NSUN7: variants seen among roughly 807,000 people sequenced by gnomAD.
NSUN7 encodes the protein protein NSUN7.
NSUN7 carries 39 observed loss-of-function variants against 58.5 expected under a neutral mutation model. The observed-to-expected ratio is 0.67, with a 90% confidence interval of 0.52 to 0.87. The LOEUF is 0.87. Among genes scored for constraint, NSUN7 ranks in the 40% least tolerant of loss-of-function variants. The pLI is 0.00. For synonymous variants in NSUN7, 278 were observed against 303.7 expected (o/e 0.92, Z 0.88); for missense variants, 765 against 844.1 (o/e 0.91, Z 1.16).
intron 4 of NSUN7, chr4:40,762,782 A>G (rs1289938673): frequency 6.6e-6 from 1 of 151,606 alleles, no homozygotes; most frequent in African/African-American, 2.4e-5. Flanking sequence ...TTAGATTCTC[A>G]TAGGAGCGTG....
chr4:40,760,488 C>A lies in NSUN7; in HGVS notation c.353C>A (p.Thr118Lys). ...GACAGCTGTATCTTCCCAAGTACCA[C>A]AATAGTAAGTAGATAAGTTTTAGAA... ...LIDSCIFPST[T>K]IPDHLSSLII... The change falls in exon 3 of 12, where the codon ACA becomes AAA. Residue 118 changes from threonine to lysine, a missense_variant. Coordinates refer to ENST00000381782, the MANE Select transcript of NSUN7 (RefSeq NM_024677.6). The A allele has an allele frequency of 1.9e-6, 3 of 1,592,446 alleles. No individual in the cohort carries two copies. The highest frequency in any genetic ancestry group is 2.2e-5 in the East Asian group (1 of 44,598).
intron 7 of NSUN7, among the ~76,000 whole-genome samples, chr4:40,782,318 T>A (rs1255892432): frequency 6.6e-6 from 1 of 152,098 alleles, no homozygotes; most frequent in East Asian, 1.9e-4. Flanking sequence ...CTGTGGCTTA[T>A]GTGGGAGGCT....
chr4:40,788,719 T>C (rs557728599), intron 7 of NSUN7, among the ~76,000 whole-genome samples: 1 of 152,228 alleles, frequency 6.6e-6, no homozygotes, highest in South Asian at 2.1e-4. Context: ...CACAGCATAT[T>C]CCTTTGGTAA....
At chr4:40,767,949 T>C (rs561321827) in intron 4 of NSUN7, among the ~76,000 whole-genome samples, 12 of 152,324 alleles carry the variant, frequency 7.9e-5, no homozygotes, top group African/African-American at 2.6e-4. Flanking sequence ...GACTAACTTA[T>C]TATCTTACCT....
intron 4 of NSUN7, among the ~76,000 whole-genome samples, chr4:40,769,112 A>T (rs1016911520): frequency 1.2e-4 from 19 of 152,198 alleles, no homozygotes; most frequent in Non-Finnish European, 2.5e-4. Flanking sequence ...ATTCAAAAAC[A>T]TACACTGAGC....
intron 4 of NSUN7, among the ~76,000 whole-genome samples, chr4:40,770,211 A>G (rs1157017617): frequency 2.9e-4 from 2 of 6,926 alleles, no homozygotes; most frequent in Admixed American, 2.5e-3. Context: ...ACTCCATCTC[A>G]AAAAAAAAAA....
chr4:40,774,416 A>C lies in NSUN7; in HGVS notation c.640A>C (p.Ser214Arg). The part of the protein sequence containing the change: ...LYAWINTCKI[S>R]PEEVYNNLKR... Reference sequence around the variant, plus strand: ...TGCTTGGATAAATACTTGTAAAATCAGGTAAGTGTTTAAATCAAATTCTTT... The same window carrying C: ...TGCTTGGATAAATACTTGTAAAATCCGGTAAGTGTTTAAATCAAATTCTTT... The change falls in exon 5 of 12, where the codon AGC becomes CGC. Residue 214 changes from serine to arginine, a missense_variant and splice_region_variant. By Grantham distance (110) the Ser-to-Arg change is moderately radical. Transcript: ENST00000381782. 6.2e-7 allele frequency: 1 copy of C among 1,612,208 alleles called. No individual in the cohort carries two copies. Among genetic ancestry groups the C allele is most frequent in the Non-Finnish European group, 8.5e-7 (1 of 1,178,828 alleles).
At position 40,809,158 on chromosome 4, in the gene NSUN7, C is replaced by A; in HGVS notation, c.*219C>A. ...CAGAGACTTCAGCCAATCACTGCTG[C>A]TCTGAGAGGATCCAGTTAGAGACTC... On this transcript the variant is annotated 3_prime_UTR_variant, in exon 12 of 12. Transcript: ENST00000381782. 1 of 491,936 alleles carries A rather than the reference C, an allele frequency of 2.0e-6. No homozygotes were observed. The highest frequency in any genetic ancestry group is 3.6e-5 in the South Asian group (1 of 27,494). The allele number at this position is 491,936 out of a possible 1,614,324, so 30.5% of individuals were successfully genotyped here. A position where few individuals can be genotyped will look rare whatever the true frequency, so the allele number is the denominator to read the frequency against.
Position 40,761,290 on chromosome 4 carries a change from C to A in NSUN7, c.477C>A (p.Asn159Lys), listed in dbSNP as rs116491704. 2.4e-4 allele frequency: 389 copies of A among 1,598,004 alleles called. No individual in the cohort carries two copies. In the African/African-American group the frequency reaches 4.8e-3, roughly 20 times the overall value. Residue 159 changes from asparagine (N) to lysine (K), a missense_variant, in exon 4 of 12, where the codon AAC (asparagine) becomes AAA (lysine). Transcript: ENST00000381782. ...EPISEVQEVE[N>K]LLNSFKIKLA... ...TATCAGAAGTTCAAGAAGTAGAGAACCTTCTTAACAGGTAATCGTAAAAGT... is the reference window on the plus strand; with the variant it reads ...TATCAGAAGTTCAAGAAGTAGAGAAACTTCTTAACAGGTAATCGTAAAAGT...
chr4:40,776,652 GT>G (rs1742285174), intron 7 of NSUN7, among the ~76,000 whole-genome samples: 8 of 150,608 alleles, frequency 5.3e-5, no homozygotes, highest in Non-Finnish European at 1.2e-4. Context: ...GTCTTACTTT[GT>G]TGCCCAGGCT....
chr4:40,774,803 CTATAATAAAG>C lies in NSUN7; in HGVS notation c.680_689del (p.Tyr227SerfsTer22), dbSNP rs771573748. ...TTTATAATAATTTGAAGAGAAGAGG[CTATAATAAAG>C]TCAAATCTGTATTGCATATTGATGA... On this transcript the variant is annotated frameshift_variant, in exon 6 of 12. Coordinates refer to ENST00000381782, the MANE Select transcript of NSUN7 (RefSeq NM_024677.6). LOFTEE classifies it high-confidence loss of function. 4 of 1,554,714 alleles carry C rather than the reference CTATAATAAAG, an allele frequency of 2.6e-6. No individual in the cohort carries two copies. The South Asian group carries it at 3.5e-5, about 13-fold the overall frequency.
At chr4:40,755,547 A>G (rs543041443) in intron 2 of NSUN7, among the ~76,000 whole-genome samples, 1 of 152,274 alleles carries the variant, frequency 6.6e-6, no homozygotes, top group African/African-American at 2.4e-5. Context: ...TTGTTGCTGA[A>G]CTTCGAATCC....
At chr4:40,756,718 T>C (rs1192866840) in intron 2 of NSUN7, among the ~76,000 whole-genome samples, 1 of 152,182 alleles carries the variant, frequency 6.6e-6, no homozygotes, top group Non-Finnish European at 1.5e-5. Flanking sequence ...ATATGGTTGT[T>C]GTGGAGATTA....
In NSUN7 at chr4:40,810,143, A is replaced by T. The variant is rs1002258922; in HGVS notation, c.*1204A>T. The T allele has an allele frequency of 2.6e-5, 4 of 152,238 alleles. No homozygotes were observed. The highest frequency in any genetic ancestry group is 5.9e-5 in the Non-Finnish European group (4 of 68,032). 9.4% of individuals were successfully genotyped at this position (152,238 alleles called of 1,614,324 possible). On this transcript the variant is annotated 3_prime_UTR_variant, in exon 12 of 12. Coordinates refer to ENST00000381782, the MANE Select transcript of NSUN7 (RefSeq NM_024677.6). ...TTAGAATATTATCTTCTTCAAGATG[A>T]ATACTTAGGTCTACTTCAGCTCTGA...
rs1480974342 is a variant in NSUN7, at chr4:40,808,719, T to A, written c.1937T>A (p.Leu646Gln). Reference sequence around the variant, plus strand: ...CGGCCAGAAGACAGAATGGTTGCTCTGAAACCCATCAAGATTGTTCTGCCT... The same window carrying A: ...CGGCCAGAAGACAGAATGGTTGCTCAGAAACCCATCAAGATTGTTCTGCCT... ...RPRPEDRMVA[L>Q]KPIKIVLPPV... Residue 646 changes from leucine (L) to glutamine (Q), a missense_variant, in exon 12 of 12, where the codon CTG (leucine) becomes CAG (glutamine). Physicochemically the swap from Leu to Gln is moderately radical, Grantham distance 113. Transcript: ENST00000381782. The A allele has an allele frequency of 6.4e-7, 1 of 1,550,974 alleles. No homozygotes were observed. Among genetic ancestry groups the A allele is most frequent in the East Asian group, 2.4e-5 (1 of 40,888 alleles).
chr4:40,780,457 A>G (rs887464504), intron 7 of NSUN7, among the ~76,000 whole-genome samples: 4 of 151,778 alleles, frequency 2.6e-5, no homozygotes, highest in Non-Finnish European at 5.9e-5. Flanking sequence ...AAAATACAAA[A>G]AATTACCCAG....
intron 2 of NSUN7, 32 bp downstream of exon 2, chr4:40,751,023 A>C (rs1348172389): frequency 6.2e-7 from 1 of 1,600,954 alleles, no homozygotes; most frequent in African/African-American, 1.3e-5. Flanking sequence ...GATCAACACT[A>C]AAAGAAAATA....
At chr4:40,779,716 G>A (rs1742435095) in intron 7 of NSUN7, among the ~76,000 whole-genome samples, 1 of 152,188 alleles carries the variant, frequency 6.6e-6, no homozygotes, top group South Asian at 2.1e-4. Flanking sequence ...TAATGGGGTT[G>A]CAAATTAATG....
In NSUN7 at chr4:40,763,983, T is replaced by C. The variant is rs139942678; in HGVS notation, c.488+2682T>C. Among the ~76,000 whole-genome samples, 391 of 152,292 alleles carry C rather than the reference T, an allele frequency of 2.6e-3. 3 individuals are homozygous for C. The highest frequency in any genetic ancestry group is 0.02 in the Middle Eastern group (6 of 294). Reference sequence around the variant, plus strand: ...TTAGTGATTGAATTGTGGAGAAGAATAGTAGCACATTGCTGAGAAAATACA... The same window carrying C: ...TTAGTGATTGAATTGTGGAGAAGAACAGTAGCACATTGCTGAGAAAATACA... On this transcript the variant is annotated intron_variant, in intron 4 of 11. Transcript: ENST00000381782.
Sources: gnomAD v4.1 joint callset for allele counts (sites outside exome capture counted in the v4.1 genomes callset) on GRCh38, gnomAD v4.1.1 for gene constraint, MANE v1.5 for transcripts, NCBI Gene and HGNC (gene_info 2026-07-23, HGNC 2026-07-21) for gene names.